Variants in RIMBP2 observed in about 807,000 individuals in gnomAD.
RIMBP2 encodes RIMS-binding protein 2.
RIMBP2 carries 48 observed loss-of-function variants against 118.6 expected under a neutral mutation model. That is an observed-to-expected ratio of 0.40 (90% CI 0.32 to 0.51). RIMBP2 has a LOEUF of 0.51. RIMBP2 is among the 20% of genes least tolerant of loss of function. RIMBP2 has a pLI of 0.41. For missense variants in RIMBP2, 1,551 were observed against 1,768.3 expected (o/e 0.88, Z 2.20); for synonymous variants, 762 against 742.9 (o/e 1.03, Z -0.42).
At chr12:130,686,191 C>A (rs566684845) in intron 1 of RIMBP2, among the ~76,000 whole-genome samples, 5 of 152,334 alleles carry the variant, frequency 3.3e-5, no homozygotes, top group African/African-American at 1.2e-4. Context: ...CCCCTTCCTG[C>A]CGCCATAGGG....
intron 2 of RIMBP2, among the ~76,000 whole-genome samples, chr12:130,612,751 G>A (rs1026649951): frequency 1.1e-4 from 16 of 152,154 alleles, no homozygotes; most frequent in African/African-American, 2.7e-4. Flanking sequence ...GGACATCACC[G>A]CAGGCCCCCC....
At chr12:130,436,689 A>G (rs957068238) in intron 13 of RIMBP2, among the ~76,000 whole-genome samples, 153 bp downstream of exon 13, 9 of 152,230 alleles carry the variant, frequency 5.9e-5, no homozygotes, top group African/African-American at 2.2e-4. Flanking sequence ...CAGGCACATG[A>G]CAGAGTCCAC....
chr12:130,659,285 A>G, intron 1 of RIMBP2, among the ~76,000 whole-genome samples: 1 of 152,242 alleles, frequency 6.6e-6, no homozygotes, highest in African/African-American at 2.4e-5. Flanking sequence ...AAAATTATTA[A>G]TGTCGGCCGG....
chr12:130,438,335 A>AGGGGCCCCCCCCCCC, intron 12 of RIMBP2, 30 bp downstream of exon 12: 1 of 865,014 alleles, frequency 1.2e-6, no homozygotes, highest in East Asian at 2.8e-5. Context: ...GGCCTAACAA[A>AGGGGCCCCCCCCCCC]CCCTCCCCAC....
intron 15 of RIMBP2, 132 bp downstream of exon 15, chr12:130,428,047 G>A: frequency 2.5e-6 from 2 of 792,754 alleles, no homozygotes; most frequent in Admixed American, 3.3e-5. Context: ...AGAAAGAAGC[G>A]AATCCAAATC....
chr12:130,495,448 CAT>C (rs1566143356), intron 4 of RIMBP2, among the ~76,000 whole-genome samples: 1 of 152,132 alleles, frequency 6.6e-6, no homozygotes, highest in Non-Finnish European at 1.5e-5. Flanking sequence ...CCCTAACAGA[CAT>C]GTGCAGGGTG....
At chr12:130,524,526 C>T (rs12370884) in intron 2 of RIMBP2, among the ~76,000 whole-genome samples, 38,304 of 152,148 alleles carry the variant, frequency 0.25, 5,045 homozygotes, top group South Asian at 0.4. Flanking sequence ...GGGTAGCAGA[C>T]GTGAAGAGGC....
At chr12:130,673,467 TC>T (rs2064293329) in intron 1 of RIMBP2, among the ~76,000 whole-genome samples, 1 of 152,084 alleles carries the variant, frequency 6.6e-6, no homozygotes, top group African/African-American at 2.4e-5. Context: ...CCAGAATCAA[TC>T]CCCATGGCCC....
intron 6 of RIMBP2, 122 bp from the exon 7 acceptor site, chr12:130,456,822 G>GCACACAGTGCATA: frequency 1.5e-6 from 1 of 688,540 alleles, no homozygotes; most frequent in Non-Finnish European, 2.4e-6. Context: ...GTACACACGT[G>GCACACAGTGCATA]TTGTGTCTGT....
At chr12:130,417,393 T>C (rs1467223327) in intron 17 of RIMBP2, among the ~76,000 whole-genome samples, 1 of 152,228 alleles carries the variant, frequency 6.6e-6, no homozygotes, top group Non-Finnish European at 1.5e-5. Flanking sequence ...CCACATGGAA[T>C]GCTATGCAGC....
intron 6 of RIMBP2, among the ~76,000 whole-genome samples, chr12:130,468,340 A>C (rs551236657): frequency 6.6e-6 from 1 of 152,042 alleles, no homozygotes; most frequent in South Asian, 2.1e-4. Context: ...GGGTGATTAC[A>C]GCCAACCTTG....
intron 2 of RIMBP2, among the ~76,000 whole-genome samples, chr12:130,570,867 T>C (rs1187652940): frequency 6.6e-6 from 1 of 152,198 alleles, no homozygotes; most frequent in Non-Finnish European, 1.5e-5. Flanking sequence ...AGTGGGCAGG[T>C]GCTTTTCTTT....
chr12:130,646,029 C>T (rs61936786), intron 1 of RIMBP2, among the ~76,000 whole-genome samples: 12,705 of 138,848 alleles, frequency 0.092, 503 homozygotes, highest in East Asian at 0.16. Flanking sequence ...ATCTGTGGTG[C>T]GGCAGCCAGT....
intron 2 of RIMBP2, among the ~76,000 whole-genome samples, chr12:130,530,023 G>A (rs1216793336): frequency 6.6e-6 from 1 of 152,124 alleles, no homozygotes; most frequent in Non-Finnish European, 1.5e-5. Context: ...ACACTATAAG[G>A]GAAAAGAGAC....
chr12:130,473,043 T>C (rs1291771745), intron 5 of RIMBP2, among the ~76,000 whole-genome samples: 2 of 152,026 alleles, frequency 1.3e-5, no homozygotes. Flanking sequence ...TCAAAGATAG[T>C]TTTCAACTGG....
chr12:130,450,555 G>A lies in RIMBP2; in HGVS notation c.505-279C>T, dbSNP rs919981071. Among the ~76,000 whole-genome samples, 2 of 152,014 alleles carry A rather than the reference G, an allele frequency of 1.3e-5. No homozygotes were observed. Among genetic ancestry groups the A allele is most frequent in the African/African-American group, 4.8e-5 (2 of 41,378 alleles). The stretch of plus-strand genomic sequence containing the variant: ...GTAAGGCTCAAAGACTCCGCCCAGT[G>A]TCTCCTACAGCAATCCCGGGAGTCA... On this transcript the variant is annotated intron_variant, in intron 8 of 22. Transcript: ENST00000690449. This position sits in a 1 kb window ranked among gnomAD's most constrained non-coding sequence, Gnocchi z 4.8.
chr12:130,461,069 C>T (rs996069785), intron 6 of RIMBP2, among the ~76,000 whole-genome samples: 4 of 152,174 alleles, frequency 2.6e-5, no homozygotes, highest in African/African-American at 7.2e-5. Context: ...CCCATCCGCA[C>T]GACCCAGCTA....
chr12:130,592,406 G>C (rs896225164), intron 2 of RIMBP2, among the ~76,000 whole-genome samples: 2 of 152,100 alleles, frequency 1.3e-5, no homozygotes, highest in Non-Finnish European at 2.9e-5. Flanking sequence ...AAATGGATGC[G>C]CTGGCCAGAT....
chr12:130,413,211 C>T (rs910118301), intron 18 of RIMBP2, among the ~76,000 whole-genome samples: 6 of 152,158 alleles, frequency 3.9e-5, no homozygotes, highest in Non-Finnish European at 8.8e-5. Context: ...GCATTCCGAC[C>T]GTTCTCAAAT....
Sources: allele counts gnomAD v4.1 joint callset (sites outside exome capture counted in the v4.1 genomes callset), GRCh38; gene constraint gnomAD v4.1.1; non-coding constraint Gnocchi (gnomAD v3.1); transcripts MANE v1.5; gene names NCBI Gene and HGNC (gene_info 2026-07-23, HGNC 2026-07-21).